TASP1: variants seen among roughly 807,000 people sequenced by gnomAD.
TASP1 encodes taspase 1.
Under a neutral mutation model 56.6 loss-of-function variants are expected in TASP1, and 16 were observed. The ratio of observed to expected loss-of-function variants is 0.28; its 90% CI spans 0.19 to 0.43. TASP1 has a LOEUF of 0.43. Ranked by LOEUF, TASP1 falls within the 20% of genes least tolerant of loss-of-function variation. The pLI is 1.00. For missense variants in TASP1, 393 were observed against 511.6 expected, an observed-to-expected ratio of 0.77 and a Z score of 2.24; for synonymous variants, 179 against 184.2, an observed-to-expected ratio of 0.97 and a Z score of 0.23.
intron 8 of TASP1, among the ~76,000 whole-genome samples, chr20:13,557,356 T>A (rs1224523135): frequency 6.6e-6 from 1 of 152,144 alleles, no homozygotes; most frequent in Non-Finnish European, 1.5e-5. Flanking sequence ...ACATTCTGTA[T>A]GATTCCATTT....
chr20:13,267,826 A>G, the TASP1 span, among the ~76,000 whole-genome samples: 1 of 152,182 alleles, frequency 6.6e-6, no homozygotes, highest in Non-Finnish European at 1.5e-5. Flanking sequence ...TAACCTAATT[A>G]AACAGTATAC....
At chr20:13,627,733 TA>T (rs35542097) in intron 2 of TASP1, among the ~76,000 whole-genome samples, 6,848 of 119,400 alleles carry the variant, frequency 0.057, 237 homozygotes, top group Middle Eastern at 0.073. Flanking sequence ...AACTTAGTCT[TA>T]AAAAAAAAAA....
intron 12 of TASP1, among the ~76,000 whole-genome samples, chr20:13,428,730 T>C (rs74388085): frequency 0.02 from 3,106 of 152,294 alleles, 93 homozygotes; most frequent in African/African-American, 0.07. Flanking sequence ...TGTGATCCCT[T>C]TAAACTGCCT....
chr20:13,628,720 AC>A (rs984637486), intron 2 of TASP1, among the ~76,000 whole-genome samples: 4 of 152,144 alleles, frequency 2.6e-5, no homozygotes, highest in African/African-American at 9.7e-5. Flanking sequence ...TTAAAAGGAA[AC>A]CCAGACATTC....
chr20:13,605,480 C>T (rs532182672), intron 4 of TASP1, among the ~76,000 whole-genome samples: 1 of 152,034 alleles, frequency 6.6e-6, no homozygotes. Flanking sequence ...CGGTTTGAGA[C>T]CAGCCTGGGC....
Position 13,534,095 on chromosome 20 carries a change from T to C in TASP1, c.722A>G (p.Asp241Gly). 1 of 1,613,648 alleles carries C rather than the reference T, an allele frequency of 6.2e-7. No homozygotes were observed. The highest frequency in any genetic ancestry group is 8.5e-7 in the Non-Finnish European group (1 of 1,179,712). The change falls in exon 9 of 14, where the codon GAC becomes GGC. Residue 241 changes from aspartate to glycine, a missense_variant. By Grantham distance (94) the Asp-to-Gly change is moderately conservative. Coordinates refer to ENST00000337743, the MANE Select transcript of TASP1 (RefSeq NM_017714.3). ...AGCAGCAGCAACATTCCCTTCGTGG[T>C]CCACAACCACAGCGCCTACCGTGTC... ...TLDTVGAVVV[D>G]HEGNVAAAVS...
chr20:13,501,972 T>C (rs932819989), intron 10 of TASP1, among the ~76,000 whole-genome samples: 1 of 151,946 alleles, frequency 6.6e-6, no homozygotes, highest in Non-Finnish European at 1.5e-5. Context: ...AAAGTGTCAA[T>C]TAATAGAAGA....
At chr20:13,172,567 A>G in the TASP1 span, among the ~76,000 whole-genome samples, 52 of 152,082 alleles carry the variant, frequency 3.4e-4, no homozygotes, top group Admixed American at 5.2e-4. Flanking sequence ...ATTTGTTTGA[A>G]TCCCCTGCTA....
intron 5 of TASP1, among the ~76,000 whole-genome samples, chr20:13,585,066 T>C (rs2047254408): frequency 6.6e-6 from 1 of 152,064 alleles, no homozygotes; most frequent in South Asian, 2.1e-4. Flanking sequence ...CAGAAACAAA[T>C]TATCACACAG....
chr20:13,427,888 T>C (rs1414338132), intron 12 of TASP1, among the ~76,000 whole-genome samples: 4 of 152,194 alleles, frequency 2.6e-5, no homozygotes, highest in African/African-American at 7.2e-5. Context: ...TGAACACATC[T>C]GTTGATAGGA....
At chr20:13,159,626 G>C in the TASP1 span, among the ~76,000 whole-genome samples, 4 of 152,208 alleles carry the variant, frequency 2.6e-5, no homozygotes, top group South Asian at 8.3e-4. Flanking sequence ...TTGCATTATA[G>C]GAACTATTTG....
At chr20:13,506,439 A>G (rs2044134227) in intron 10 of TASP1, among the ~76,000 whole-genome samples, 1 of 152,206 alleles carries the variant, frequency 6.6e-6, no homozygotes, top group Non-Finnish European at 1.5e-5. Flanking sequence ...AGGCATTGTA[A>G]GAAAAGAAAA....
the TASP1 span, among the ~76,000 whole-genome samples, chr20:13,181,196 G>A: frequency 1.3e-5 from 2 of 152,192 alleles, no homozygotes; most frequent in Non-Finnish European, 2.9e-5. Context: ...TAAGCACCTT[G>A]GCCTCTTTGC....
chr20:13,456,422 T>A (rs758914443), intron 11 of TASP1, among the ~76,000 whole-genome samples: 1 of 152,108 alleles, frequency 6.6e-6, no homozygotes, highest in Non-Finnish European at 1.5e-5. Context: ...CCCTCCACCA[T>A]ATAGTCCTGA....
the TASP1 span, among the ~76,000 whole-genome samples, chr20:13,201,296 C>A: frequency 2.6e-5 from 4 of 152,102 alleles, no homozygotes; most frequent in African/African-American, 9.7e-5. Flanking sequence ...TGATAGAGAC[C>A]TGGCTGAGAG....
chr20:13,480,652 C>G (rs1361540681), intron 11 of TASP1, among the ~76,000 whole-genome samples: 1 of 152,182 alleles, frequency 6.6e-6, no homozygotes, highest in Non-Finnish European at 1.5e-5. Context: ...TCAGGAACTC[C>G]TTAGCATAAA....
intron 5 of TASP1, among the ~76,000 whole-genome samples, chr20:13,586,638 A>C (rs1178051107): frequency 6.6e-6 from 1 of 152,218 alleles, no homozygotes; most frequent in Non-Finnish European, 1.5e-5. Context: ...ACATCTAAAA[A>C]TTCATGAAGC....
chr20:13,210,158 C>T, the TASP1 span, among the ~76,000 whole-genome samples: 1 of 152,166 alleles, frequency 6.6e-6, no homozygotes, highest in Admixed American at 6.5e-5. Flanking sequence ...GAATCATTCA[C>T]ATTGTTACAT....
chr20:13,131,054 G>A, the TASP1 span, among the ~76,000 whole-genome samples: 5 of 152,148 alleles, frequency 3.3e-5, no homozygotes, highest in South Asian at 2.1e-4. Flanking sequence ...TAGAAAGATC[G>A]CAGCTCAGTC....
Sources: gnomAD v4.1 joint callset for allele counts (sites outside exome capture counted in the v4.1 genomes callset) on GRCh38, gnomAD v4.1.1 for gene constraint, MANE v1.5 for transcripts, NCBI Gene and HGNC (gene_info 2026-07-23, HGNC 2026-07-21) for gene names.